Variants in LUZP1 observed in about 807,000 individuals in gnomAD.
LUZP1 encodes filamin mechanobinding actin cross-linking protein.
Under a neutral mutation model 71.3 loss-of-function variants are expected in LUZP1, and 25 were observed. The observed-to-expected ratio is 0.35, with a 90% CI of 0.26 to 0.49. The LOEUF (loss-of-function observed/expected upper bound fraction) is 0.49, where lower values mean the gene tolerates loss of function less well. LUZP1 is among the 20% of genes least tolerant of loss of function. The pLI is 0.99. For missense variants in LUZP1, 1,142 were observed against 1,300.8 expected (o/e 0.88, Z 1.88); for synonymous variants, 481 against 506.4 (o/e 0.95, Z 0.67).
At chr1:23,171,097 AAAATAT>A (rs1644550284) in intron 1 of LUZP1, among the ~76,000 whole-genome samples, 1 of 139,848 alleles carries the variant, frequency 7.2e-6, no homozygotes. Flanking sequence ...TCAAAAAAAA[AAAATAT>A]ATATATATAT....
chr1:23,099,543 T>C (rs1038747360), intron 3 of LUZP1, among the ~76,000 whole-genome samples: 6 of 152,250 alleles, frequency 3.9e-5, no homozygotes, highest in African/African-American at 9.6e-5. Flanking sequence ...GCTTATACTA[T>C]AGTTTTCACA....
intron 1 of LUZP1, among the ~76,000 whole-genome samples, chr1:23,170,201 T>C (rs1644542077): frequency 1.3e-5 from 2 of 152,302 alleles, no homozygotes; most frequent in South Asian, 4.1e-4. Flanking sequence ...CTCCCATTTG[T>C]TTCTTAGCAC....
intron 3 of LUZP1, among the ~76,000 whole-genome samples, chr1:23,106,682 A>G (rs1643984945): frequency 6.6e-6 from 1 of 152,252 alleles, no homozygotes; most frequent in Admixed American, 6.5e-5. Flanking sequence ...AGAGCCTTCA[A>G]AGTATGTCTA....
Position 23,093,450 on chromosome 1 carries a change from G to A in LUZP1, c.812C>T (p.Thr271Ile), listed in dbSNP as rs772669241. Residue 271 changes from threonine to isoleucine, a missense_variant, in exon 4 of 5, where the codon ACA (threonine) becomes ATA (isoleucine). By Grantham distance (89) the Thr-to-Ile change is moderately conservative. Coordinates refer to ENST00000302291, the Ensembl canonical transcript of LUZP1. The surrounding 1 kb of genome is among the most constrained non-coding windows in gnomAD (Gnocchi z 4.2). Reference sequence around the variant, plus strand: ...CTTTTCATTTTCTGATTTGTTTCTTGTTTCATTCTCTACCTGCTTTAGGTA... The same window carrying A: ...CTTTTCATTTTCTGATTTGTTTCTTATTTCATTCTCTACCTGCTTTAGGTA... 1 of 1,613,276 alleles carries A rather than the reference G, an allele frequency of 6.2e-7. No homozygotes were observed. Among genetic ancestry groups the A allele is most frequent in the Non-Finnish European group, 8.5e-7 (1 of 1,179,872 alleles).
At chr1:23,174,199 G>A (rs2148226986) in intron 1 of LUZP1, among the ~76,000 whole-genome samples, 1 of 152,302 alleles carries the variant, frequency 6.6e-6, no homozygotes, top group African/African-American at 2.4e-5. Context: ...GCTGGTATAA[G>A]TCTCAGAGTC....
intron 2 of LUZP1, among the ~76,000 whole-genome samples, chr1:23,114,081 T>C (rs1397664316): frequency 2.0e-5 from 3 of 151,982 alleles, no homozygotes; most frequent in Admixed American, 6.6e-5. Flanking sequence ...AGCAGAACAA[T>C]AGAAATGATT....
chr1:23,170,451 T>A, intron 1 of LUZP1, among the ~76,000 whole-genome samples: 1 of 147,894 alleles, frequency 6.8e-6, no homozygotes, highest in African/African-American at 2.5e-5. Context: ...ATTCTTATTT[T>A]CTTTTTCTTT....
At chr1:23,103,626 TTTC>T (rs1643949042) in intron 3 of LUZP1, among the ~76,000 whole-genome samples, 1 of 151,736 alleles carries the variant, frequency 6.6e-6, no homozygotes, top group Non-Finnish European at 1.5e-5. Context: ...CCTACTTATT[TTTC>T]TTCTTGGCAC....
intron 1 of LUZP1, among the ~76,000 whole-genome samples, chr1:23,173,409 CA>C (rs1314807280): frequency 8.0e-6 from 1 of 124,338 alleles, no homozygotes; most frequent in Admixed American, 9.7e-5. Context: ...GGCTAAAGTG[CA>C]GTGGCATGAT....
chr1:23,168,150 C>A (rs1644525314), intron 2 of LUZP1, among the ~76,000 whole-genome samples: 1 of 146,100 alleles, frequency 6.8e-6, no homozygotes, highest in Non-Finnish European at 1.5e-5. Flanking sequence ...CCGCGGGACC[C>A]CTCCCCGCCC....
intron 3 of LUZP1, among the ~76,000 whole-genome samples, chr1:23,107,701 C>G (rs1385922857): frequency 6.6e-6 from 1 of 152,146 alleles, no homozygotes; most frequent in African/African-American, 2.4e-5. Flanking sequence ...ACTCGGGAGG[C>G]TGAGACAGGA....
exon 5 of LUZP1, chr1:23,087,440 C>G (rs1029499721): frequency 2.0e-5 from 3 of 152,340 alleles, no homozygotes; most frequent in African/African-American, 7.2e-5. Flanking sequence ...TTTCAAAGAA[C>G]TCATTTTACA....
rs1643881623 is a variant in LUZP1 at position 23,094,273 on chromosome 1, G to A, written c.-12C>T. 14 of 1,584,762 alleles carry A rather than the reference G, an allele frequency of 8.8e-6. No individual in the cohort carries two copies. The highest frequency in any genetic ancestry group is 1.2e-5 in the Non-Finnish European group (14 of 1,167,844). On this transcript the variant is annotated 5_prime_UTR_variant, in exon 4 of 5. Transcript: ENST00000302291. This position sits in a 1 kb window ranked among gnomAD's most constrained non-coding sequence, Gnocchi z 4.7. ...GTAAATTCGGCCATGTCTACTGCCA[G>A]CCAATGTGGGCTCCTAGAGGCATCC...
chr1:23,136,840 C>T (rs1644258269), intron 2 of LUZP1, among the ~76,000 whole-genome samples: 1 of 152,192 alleles, frequency 6.6e-6, no homozygotes, highest in South Asian at 2.1e-4. Context: ...ATGGCATGAA[C>T]CCGGGAGGCG....
rs375482543 is a variant in LUZP1, at chr1:23,137,109, T to C, written c.-225-27982A>G. On this transcript the variant is annotated intron_variant, in intron 2 of 4. Coordinates refer to ENST00000302291, the Ensembl canonical transcript of LUZP1. Reference sequence around the variant, plus strand: ...TATACATGGCATGGGCAATGAACTCTAGGCAATTAAATAAAAAAACCCACA... The same window carrying C: ...TATACATGGCATGGGCAATGAACTCCAGGCAATTAAATAAAAAAACCCACA... Among the ~76,000 whole-genome samples, 12 of 152,256 alleles carry C rather than the reference T, an allele frequency of 7.9e-5. No individual in the cohort carries two copies. The East Asian group carries it at 9.7e-4, about 12-fold the overall frequency.
intron 3 of LUZP1, among the ~76,000 whole-genome samples, chr1:23,103,831 A>AGAGGGAGAGAGG (rs1339511597): frequency 1.7e-5 from 1 of 58,254 alleles, no homozygotes. Context: ...AGGGAGGAAG[A>AGAGGGAGAGAGG]GAGGGAGAGA....
intron 2 of LUZP1, among the ~76,000 whole-genome samples, chr1:23,129,326 A>C (rs1249635093): frequency 1.3e-5 from 2 of 152,244 alleles, no homozygotes; most frequent in East Asian, 3.8e-4. Flanking sequence ...TCACACCTGT[A>C]ATCCCAGCAC....
chr1:23,165,581 T>G (rs1282293079), intron 2 of LUZP1, among the ~76,000 whole-genome samples: 2 of 151,728 alleles, frequency 1.3e-5, no homozygotes, highest in African/African-American at 4.8e-5. Context: ...AAGGCTGACG[T>G]GGGAAAATCA....
intron 2 of LUZP1, among the ~76,000 whole-genome samples, chr1:23,116,731 A>G (rs888602448): frequency 6.6e-6 from 1 of 152,210 alleles, no homozygotes; most frequent in Non-Finnish European, 1.5e-5. Flanking sequence ...TGAGGGTACT[A>G]TCCTAGCACT....
Sources: gnomAD v4.1 joint callset for allele counts (sites outside exome capture counted in the v4.1 genomes callset) on GRCh38, gnomAD v4.1.1 for gene constraint, Gnocchi (gnomAD v3.1) non-coding constraint, MANE v1.5 for transcripts, NCBI Gene and HGNC (gene_info 2026-07-23, HGNC 2026-07-21) for gene names.